DPYD: variants seen among roughly 807,000 people sequenced by gnomAD.
DPYD encodes dihydropyrimidine dehydrogenase [NADP(+)].
A neutral mutation model predicts 116.2 loss-of-function variants in DPYD; 109 were observed. That is an observed-to-expected ratio of 0.94 (90% CI 0.80 to 1.10). The LOEUF is 1.10. DPYD is among the 50% of genes least tolerant of loss of function. The probability of loss-of-function intolerance (pLI) is 0.00; values close to 1 mark genes in which losing one functional copy is unlikely to be tolerated. For missense variants in DPYD, 1,302 were observed against 1,254.5 expected (o/e 1.04, Z -0.57); for synonymous variants, 440 against 432.0 (o/e 1.02, Z -0.23).
chr1:97,677,729 A>G (rs1660220166), intron 8 of DPYD, among the ~76,000 whole-genome samples: 1 of 152,168 alleles, frequency 6.6e-6, no homozygotes, highest in African/African-American at 2.4e-5. Context: ...AGGAGCTAGA[A>G]GACAGTGTAA....
intron 6 of DPYD, among the ~76,000 whole-genome samples, chr1:97,692,981 C>A (rs914792050): frequency 6.6e-6 from 1 of 152,000 alleles, no homozygotes; most frequent in Non-Finnish European, 1.5e-5. Context: ...ATCAGCAAGA[C>A]ATCATGCTCA....
chr1:97,466,208 C>T (rs71657270), intron 13 of DPYD, among the ~76,000 whole-genome samples: 138 of 152,244 alleles, frequency 9.1e-4, no homozygotes, highest in African/African-American at 2.5e-3. Context: ...TGGATATATA[C>T]GCAAAATATT....
chr1:97,731,357 T>A (rs901142479), intron 4 of DPYD, among the ~76,000 whole-genome samples: 1 of 152,064 alleles, frequency 6.6e-6, no homozygotes, highest in Non-Finnish European at 1.5e-5. Context: ...CTTCAAAATA[T>A]AATTAGTATC....
intron 20 of DPYD, among the ~76,000 whole-genome samples, chr1:97,189,694 C>T (rs555190253): frequency 4.1e-3 from 618 of 152,186 alleles, no homozygotes; most frequent in Non-Finnish European, 6.7e-3. Context: ...TTTTGGTAAT[C>T]TTCACAAGCC....
At chr1:97,299,018 G>C (rs192768957) in intron 18 of DPYD, among the ~76,000 whole-genome samples, 1 of 152,006 alleles carries the variant, frequency 6.6e-6, no homozygotes, top group Non-Finnish European at 1.5e-5. Context: ...TCTCTGCAAG[G>C]CTTCCTTAAT....
intron 20 of DPYD, among the ~76,000 whole-genome samples, chr1:97,102,401 A>ATATATATATATATATATATATG (rs1414296561): frequency 1.2e-4 from 17 of 137,346 alleles, no homozygotes; most frequent in Non-Finnish European, 2.7e-4. Context: ...AGTATCATAT[A>ATATATATATATATATATATATG]TATATATATA....
intron 20 of DPYD, among the ~76,000 whole-genome samples, chr1:97,186,936 C>CT (rs1027605770): frequency 4.6e-5 from 7 of 152,052 alleles, no homozygotes; most frequent in Non-Finnish European, 1.0e-4. Flanking sequence ...TGATTTCATT[C>CT]TTTTTTTATG....
chr1:97,466,873 G>A (rs1677353903), intron 13 of DPYD, among the ~76,000 whole-genome samples: 1 of 151,918 alleles, frequency 6.6e-6, no homozygotes, highest in African/African-American at 2.4e-5. Flanking sequence ...ATATACCAAA[G>A]AACTCTAACA....
chr1:97,648,335 A>G (rs1658388372), intron 8 of DPYD, among the ~76,000 whole-genome samples: 1 of 152,002 alleles, frequency 6.6e-6, no homozygotes, highest in Admixed American at 6.6e-5. Context: ...CTGACTTAAA[A>G]CTAAGGTAAA....
intron 18 of DPYD, among the ~76,000 whole-genome samples, chr1:97,260,728 C>T (rs2100848001): frequency 6.6e-6 from 1 of 152,194 alleles, no homozygotes; most frequent in South Asian, 2.1e-4. Flanking sequence ...CAAAACTTCA[C>T]TCTGTGTCAA....
At chr1:97,478,870 G>A (rs1003575692) in intron 13 of DPYD, among the ~76,000 whole-genome samples, 2 of 152,160 alleles carry the variant, frequency 1.3e-5, no homozygotes, top group African/African-American at 2.4e-5. Context: ...ATCAGCACTT[G>A]CTGCTTCGCC....
Position 97,726,594 on chromosome 1 carries a change from A to G in DPYD, c.322-4923T>C, listed in dbSNP as rs577257995. Among the ~76,000 whole-genome samples, 22 of 151,542 alleles carry G rather than the reference A, an allele frequency of 1.5e-4. No homozygotes were observed. In the South Asian group the frequency reaches 4.6e-3, roughly 31 times the overall value. ...TGATTCATTAACAAATATTTGACTG[A>G]CTCCATGACTCAAAATTCCCATTGT... is the stretch of plus-strand genomic sequence containing the variant. On this transcript the variant is annotated intron_variant, in intron 4 of 22. Coordinates refer to ENST00000370192, the MANE Select transcript of DPYD (RefSeq NM_000110.4).
chr1:97,842,258 C>G lies in DPYD; in HGVS notation c.151-14062G>C, dbSNP rs566983188. Among the ~76,000 whole-genome samples the G allele has an allele frequency of 2.0e-5, 3 of 151,952 alleles. No homozygotes were observed. In the South Asian group the frequency reaches 6.2e-4, roughly 32 times the overall value. ...AACATATTAAATATTTCAACTTGAA[C>G]TGAATAGCTATATTGTTATCCTTGT... is the stretch of plus-strand genomic sequence containing the variant. On this transcript the variant is annotated intron_variant, in intron 2 of 22. Transcript: ENST00000370192.
At chr1:97,497,479 T>G (rs2786776) in intron 13 of DPYD, among the ~76,000 whole-genome samples, 94,980 of 151,554 alleles carry the variant, frequency 0.63, 29,904 homozygotes, top group East Asian at 0.75. Context: ...GGGAAAAAAA[T>G]ATGGAAAGTG....
chr1:97,236,002 TAGAA>T, intron 18 of DPYD, among the ~76,000 whole-genome samples: 1 of 152,340 alleles, frequency 6.6e-6, no homozygotes, highest in East Asian at 1.9e-4. Flanking sequence ...ATTGTATGGA[TAGAA>T]AGAATACTTT....
chr1:97,699,250 G>A lies in DPYD; in HGVS notation c.680+101C>T, dbSNP rs537414619. On this transcript the variant is annotated intron_variant, in intron 6 of 22. Transcript: ENST00000370192. The stretch of plus-strand genomic sequence containing the variant: ...AAAAAGAACATTTAAAATACCATCT[G>A]TGAGCCTGAAGTTCCTATATGATTA... 2.0e-5 allele frequency: 24 copies of A among 1,196,674 alleles called. No homozygotes were observed. The South Asian group carries it at 2.7e-4, about 14-fold the overall frequency. 74.1% of individuals were successfully genotyped at this position (1,196,674 alleles called of 1,614,324 possible).
intron 18 of DPYD, among the ~76,000 whole-genome samples, chr1:97,293,394 A>G (rs1272124744): frequency 6.6e-6 from 1 of 152,180 alleles, no homozygotes; most frequent in Non-Finnish European, 1.5e-5. Flanking sequence ...AGATTCCCAT[A>G]TACCTGGATA....
rs1652147577 is a variant in DPYD, at chr1:97,561,590, C to T, written c.1340-11846G>A. ...GAGAAGCATATTTAACTACATGGTC[C>T]CTATATGTGTGTAGCAAACATATTT... On this transcript the variant is annotated intron_variant, in intron 11 of 22. Transcript: ENST00000370192. Among the ~76,000 whole-genome samples the T allele has an allele frequency of 2.6e-5, 4 of 152,142 alleles. No individual in the cohort carries two copies. In the South Asian group the frequency reaches 8.3e-4, roughly 32 times the overall value.
intron 5 of DPYD, among the ~76,000 whole-genome samples, chr1:97,709,755 G>A (rs111575045): frequency 1.3e-5 from 2 of 151,836 alleles, no homozygotes; most frequent in African/African-American, 4.8e-5. Context: ...ACAAAGCATT[G>A]TAAATAAAAG....
Sources: gnomAD v4.1 joint callset for allele counts (sites outside exome capture counted in the v4.1 genomes callset) on GRCh38, gnomAD v4.1.1 for gene constraint, MANE v1.5 for transcripts, NCBI Gene and HGNC (gene_info 2026-07-23, HGNC 2026-07-21) for gene names.